The following PLEKHG4B variants were observed in gnomAD, a reference collection of about 807,000 sequenced individuals.
PLEKHG4B encodes the protein pleckstrin homology domain-containing family G member 4B.
Under a neutral mutation model 121.3 loss-of-function variants are expected in PLEKHG4B, and 111 were observed. The observed-to-expected ratio is 0.92, with a 90% CI of 0.78 to 1.07. The LOEUF is 1.07. Ranked by LOEUF, PLEKHG4B falls within the 50% of genes least tolerant of loss-of-function variation. The pLI, the probability that PLEKHG4B is intolerant of heterozygous loss-of-function variation, is 0.00. For synonymous variants in PLEKHG4B, 738 were observed against 725.0 expected (o/e 1.02, Z -0.29); for missense variants, 1,831 against 1,757.8 (o/e 1.04, Z -0.74).
rs534766142 is a variant in PLEKHG4B at position 133,444 on chromosome 5, A to G, written c.244-6039A>G. 2.0e-5 allele frequency among the ~76,000 whole-genome samples: 3 copies of G among 152,304 alleles called. No homozygotes were observed. The South Asian group carries it at 6.2e-4, about 32-fold the overall frequency. On this transcript the variant is annotated intron_variant, in intron 2 of 19. Coordinates refer to ENST00000637938, the MANE Select transcript of PLEKHG4B (RefSeq NM_052909.5). ...AACTCAAACAAATCAGCAAGAAAAAAAAACAGTCCCATCAAAAAGTGGGCT... is the reference window on the plus strand; with the variant it reads ...AACTCAAACAAATCAGCAAGAAAAAGAAACAGTCCCATCAAAAAGTGGGCT...
At chr5:120,400 G>C (rs145181133) in intron 2 of PLEKHG4B, among the ~76,000 whole-genome samples, 3 of 152,010 alleles carry the variant, frequency 2.0e-5, no homozygotes, top group African/African-American at 7.2e-5. Context: ...ACTCCCCCTG[G>C]AGAGAGAGAG....
intron 1 of PLEKHG4B, among the ~76,000 whole-genome samples, chr5:106,853 G>A (rs770039248): frequency 2.0e-4 from 29 of 148,122 alleles, no homozygotes; most frequent in Non-Finnish European, 2.9e-4. Context: ...GTGTGTGCAC[G>A]TGTGTGTGGT....
Position 156,201 on chromosome 5 carries a change from A to G in PLEKHG4B, c.2339A>G (p.Glu780Gly). ...CTGAGGAGAGAAGAGCTTGGCACAG[A>G]AGACAGCCGGTGAGCGCTCACAGGG... Reference protein sequence around the residue: ...ARLRREELGTEDSRDTLEAAT... With the variant: ...ARLRREELGTGDSRDTLEAAT... Residue 780 changes from glutamate (E) to glycine (G), a missense_variant, in exon 10 of 20, where the codon GAA becomes GGA. Coordinates refer to ENST00000637938, the MANE Select transcript of PLEKHG4B (RefSeq NM_052909.5). The surrounding 1 kb of genome is among the most constrained non-coding windows in gnomAD (Gnocchi z 4.4). The G allele has an allele frequency of 6.5e-7, 1 of 1,530,784 alleles. No individual in the cohort carries two copies. Among genetic ancestry groups the G allele is most frequent in the Non-Finnish European group, 8.8e-7 (1 of 1,135,812 alleles). The allele number at this position is 1,530,784 out of a possible 1,614,324, so 94.8% of individuals were successfully genotyped here.
chr5:162,044 T>C lies in PLEKHG4B; in HGVS notation c.2649+100T>C. On this transcript the variant is annotated intron_variant, in intron 12 of 19. Coordinates refer to ENST00000637938, the MANE Select transcript of PLEKHG4B (RefSeq NM_052909.5). ...TCACAAGCTGGAGTGGGCCAGGCTG[T>C]GGGACAGAGGCCGGGCACCTGCGAT... 3 of 1,424,804 alleles carry C rather than the reference T, an allele frequency of 2.1e-6. No homozygotes were observed. The South Asian group carries it at 4.3e-5, about 20-fold the overall frequency. The allele number at this position is 1,424,804 out of a possible 1,614,324, so 88.3% of individuals were successfully genotyped here. A position where few individuals can be genotyped will look rare whatever the true frequency, so the allele number is the denominator to read the frequency against.
At chr5:103,151 G>A (rs1345319606) in intron 1 of PLEKHG4B, among the ~76,000 whole-genome samples, 1 of 152,148 alleles carries the variant, frequency 6.6e-6, no homozygotes, top group African/African-American at 2.4e-5. Context: ...CCAGTGCATG[G>A]GGTGGGGACA....
intron 9 of PLEKHG4B, among the ~76,000 whole-genome samples, chr5:155,746 C>A (rs1306256006): frequency 6.6e-6 from 1 of 152,176 alleles, no homozygotes; most frequent in Non-Finnish European, 1.5e-5. Context: ...GGCGAACTGG[C>A]CACAGGGCTC....
intron 1 of PLEKHG4B, among the ~76,000 whole-genome samples, chr5:104,306 G>T (rs1248166474): frequency 6.6e-6 from 1 of 152,180 alleles, no homozygotes; most frequent in Non-Finnish European, 1.5e-5. Context: ...CCTCAGCCCA[G>T]TCCCAGCACT....
chr5:163,762 G>A (rs573538852), intron 13 of PLEKHG4B, among the ~76,000 whole-genome samples: 111 of 152,320 alleles, frequency 7.3e-4, no homozygotes, highest in Middle Eastern at 6.8e-3. Flanking sequence ...AAACTGCCTG[G>A]ATGGTGTGTG....
intron 12 of PLEKHG4B, 124 bp from the exon 13 acceptor site, chr5:162,598 C>CT (rs1736054385): frequency 4.3e-6 from 3 of 691,510 alleles, no homozygotes; most frequent in Non-Finnish European, 6.3e-6. Flanking sequence ...GCGGGACTGC[C>CT]TCTCGCTCTG....
At position 171,301 on chromosome 5, in the gene PLEKHG4B, C is replaced by A; in HGVS notation, c.3907C>A (p.Leu1303Ile). 1 of 1,612,504 alleles carries A rather than the reference C, an allele frequency of 6.2e-7. No individual in the cohort carries two copies. The highest frequency in any genetic ancestry group is 8.5e-7 in the Non-Finnish European group (1 of 1,179,748). The change falls in exon 16 of 20, where the codon CTC (leucine) becomes ATC (isoleucine). Residue 1303 changes from leucine (L) to isoleucine (I), a missense_variant. Coordinates refer to ENST00000637938, the MANE Select transcript of PLEKHG4B (RefSeq NM_052909.5). ...VQRVAKYALL[L>I]QDLLKEASCG... ...GCGTGTGGCCAAGTACGCGCTGCTACTCCAGGACCTGCTCAAGGAGGCCAG... is the reference window on the plus strand; with the variant it reads ...GCGTGTGGCCAAGTACGCGCTGCTAATCCAGGACCTGCTCAAGGAGGCCAG...
At chr5:150,758 C>T (rs1735580321) in intron 6 of PLEKHG4B, among the ~76,000 whole-genome samples, 1 of 152,122 alleles carries the variant, frequency 6.6e-6, no homozygotes, top group South Asian at 2.1e-4. Context: ...TTGACAGTAA[C>T]AAATGCTTGG....
In PLEKHG4B at chr5:176,074, G is replaced by A. The variant is rs1164057561; in HGVS notation, c.4402+1976G>A. 2.5e-5 allele frequency among the ~76,000 whole-genome samples: 3 copies of A among 117,946 alleles called. 1 individual carries two copies. The highest frequency in any genetic ancestry group is 6.4e-5 in the Non-Finnish European group (3 of 46,726). 77.4% of individuals were successfully genotyped at this position (117,946 alleles called of 152,430 possible). A position where few individuals can be genotyped will look rare whatever the true frequency, so the allele number is the denominator to read the frequency against. On this transcript the variant is annotated intron_variant, in intron 18 of 19. Coordinates refer to ENST00000637938, the MANE Select transcript of PLEKHG4B (RefSeq NM_052909.5). ...TCCCCACCGGCCCCTGAAACACTCCGGAGCCAGCTCTGTCAGACACAGGGG... is the reference window on the plus strand; with the variant it reads ...TCCCCACCGGCCCCTGAAACACTCCAGAGCCAGCTCTGTCAGACACAGGGG...
chr5:186,030 G>C lies in PLEKHG4B; in HGVS notation c.*3707G>C, dbSNP rs1013631488. ...GCCACCCTGCAGGGCTGAGGTGTCTGTGGGGAAGGAGGTGCCCAGCCCTGG... is the reference window on the plus strand; with the variant it reads ...GCCACCCTGCAGGGCTGAGGTGTCTCTGGGGAAGGAGGTGCCCAGCCCTGG... On this transcript the variant is annotated 3_prime_UTR_variant, in exon 20 of 20. Transcript: ENST00000637938. The C allele has an allele frequency of 6.6e-5, 10 of 152,206 alleles. No individual in the cohort carries two copies. The highest frequency in any genetic ancestry group is 5.2e-4 in the Admixed American group (8 of 15,286). The allele number at this position is 152,206 out of a possible 1,614,324, so 9.4% of individuals were successfully genotyped here.
At chr5:142,988 G>A (rs576338831) in intron 3 of PLEKHG4B, 59 bp from the exon 4 acceptor site, 1 of 1,499,362 alleles carries the variant, frequency 6.7e-7, no homozygotes, top group Admixed American at 1.7e-5. Context: ...GAGCATAGCA[G>A]CTGCTTTCAA....
At position 113,689 on chromosome 5, in the gene PLEKHG4B, C is replaced by T. The variant is rs540058114; in HGVS notation, c.243+241C>T. Among the ~76,000 whole-genome samples the T allele has an allele frequency of 3.3e-5, 5 of 152,364 alleles. No homozygotes were observed. The highest frequency in any genetic ancestry group is 4.1e-4 in the South Asian group (2 of 4,830). On this transcript the variant is annotated intron_variant, in intron 2 of 19. Coordinates refer to ENST00000637938, the MANE Select transcript of PLEKHG4B (RefSeq NM_052909.5). The surrounding 1 kb of genome is among the most constrained non-coding windows in gnomAD (Gnocchi z 5.2). ...TTGTCCCCCACCCCCAATAAACTTG[C>T]ACTGCATTCTTTGAAGGAAGTAAAT...
chr5:151,563 A>G lies in PLEKHG4B; in HGVS notation c.1956A>G (p.Glu652=). Residue 652 remains glutamate, a synonymous_variant, in exon 7 of 20, where the codon GAA becomes GAG. Transcript: ENST00000637938. The stretch of plus-strand genomic sequence containing the variant: ...GTATCTTGCTGTTGGTAGATAAAGA[A>G]TCTGCATTTAGGCCTGACAAGGATG... ...IHSILLLVDK[E]SAFRPDKDAI... The G allele has an allele frequency of 6.3e-7, 1 of 1,592,980 alleles. No individual in the cohort carries two copies. The highest frequency in any genetic ancestry group is 8.6e-7 in the Non-Finnish European group (1 of 1,161,640).
rs1225207391 is a variant in PLEKHG4B at position 186,166 on chromosome 5, G to C, written c.*3843G>C. 6.6e-6 allele frequency: 1 copy of C among 152,188 alleles called. No individual in the cohort carries two copies. The highest frequency in any genetic ancestry group is 1.5e-5 in the Non-Finnish European group (1 of 68,048). 9.4% of individuals were successfully genotyped at this position (152,188 alleles called of 1,614,324 possible). The stretch of plus-strand genomic sequence containing the variant: ...ACTGTCCTGGAGCCAGCCCTGGTGT[G>C]AAACAGAGGCTTCCTGCTGGCAGAA... On this transcript the variant is annotated 3_prime_UTR_variant, in exon 20 of 20. Transcript: ENST00000637938.
At chr5:164,120 G>C (rs752761704) in intron 13 of PLEKHG4B, among the ~76,000 whole-genome samples, 5 of 152,248 alleles carry the variant, frequency 3.3e-5, no homozygotes, top group African/African-American at 7.2e-5. Flanking sequence ...GGAGAATTTC[G>C]TGAGATGCTT....
chr5:99,679 A>C (rs1333491133), intron 1 of PLEKHG4B, among the ~76,000 whole-genome samples: 2 of 152,102 alleles, frequency 1.3e-5, no homozygotes, highest in Non-Finnish European at 2.9e-5. Flanking sequence ...GAACACAGAA[A>C]TGGTTTTCCT....
Sources: allele counts gnomAD v4.1 joint callset (sites outside exome capture counted in the v4.1 genomes callset), GRCh38; gene constraint gnomAD v4.1.1; non-coding constraint Gnocchi (gnomAD v3.1); transcripts MANE v1.5; gene names NCBI Gene and HGNC (gene_info 2026-07-23, HGNC 2026-07-21).